Variants in SORCS3 observed in about 807,000 individuals in gnomAD.
The protein encoded by SORCS3 is VPS10 domain-containing receptor SorCS3.
SORCS3 carries 57 observed loss-of-function variants against 146.3 expected under a neutral mutation model. That is an observed-to-expected ratio of 0.39 (90% confidence interval 0.31 to 0.49). The LOEUF is 0.49. SORCS3 is among the 20% of genes least tolerant of loss of function. The pLI is 0.92. For missense variants in SORCS3, 1,341 were observed against 1,575.5 expected (o/e 0.85, Z 2.52); for synonymous variants, 653 against 618.5 (o/e 1.06, Z -0.83).
At chr10:105,072,029 C>T (rs2055559537) in intron 5 of SORCS3, among the ~76,000 whole-genome samples, 2 of 152,162 alleles carry the variant, frequency 1.3e-5, no homozygotes, top group African/African-American at 4.8e-5. Context: ...TTCATGAGCG[C>T]TACTTTGGGC....
chr10:104,903,923 ATTGTT>A (rs1243129143), intron 2 of SORCS3, among the ~76,000 whole-genome samples: 1 of 152,180 alleles, frequency 6.6e-6, no homozygotes, highest in Non-Finnish European at 1.5e-5. Flanking sequence ...TTGTCATGAA[ATTGTT>A]TTGTTTTGGA....
chr10:104,902,734 G>A (rs1444163227), intron 2 of SORCS3, among the ~76,000 whole-genome samples: 1 of 152,130 alleles, frequency 6.6e-6, no homozygotes. Flanking sequence ...GCTGATTCTT[G>A]CCCTGTGCTT....
chr10:105,040,139 C>G (rs2055330037), intron 4 of SORCS3, among the ~76,000 whole-genome samples: 3 of 152,196 alleles, frequency 2.0e-5, no homozygotes. Flanking sequence ...GGAGAGTGAT[C>G]CATTTTTTAA....
intron 1 of SORCS3, among the ~76,000 whole-genome samples, chr10:104,653,393 A>T (rs1372933277): frequency 6.6e-6 from 1 of 152,012 alleles, no homozygotes; most frequent in Non-Finnish European, 1.5e-5. Flanking sequence ...CCCTTCTGTC[A>T]TCTTGAGATT....
At chr10:105,147,567 C>G in intron 8 of SORCS3, 50 bp from the exon 9 acceptor site, 1 of 1,507,818 alleles carries the variant, frequency 6.6e-7, no homozygotes, top group Non-Finnish European at 9.0e-7. Flanking sequence ...TCCCAATGGG[C>G]AGAGAGATAT....
chr10:105,082,113 T>C (rs2055630058), intron 5 of SORCS3, among the ~76,000 whole-genome samples: 1 of 152,354 alleles, frequency 6.6e-6, no homozygotes, highest in South Asian at 2.1e-4. Flanking sequence ...TCAAGCATTG[T>C]GTCTAATAAG....
chr10:104,991,000 C>T (rs2054990513), intron 4 of SORCS3, among the ~76,000 whole-genome samples: 3 of 152,166 alleles, frequency 2.0e-5, no homozygotes, highest in Admixed American at 2.0e-4. Flanking sequence ...ACCAGCCCTT[C>T]CCTTGGCTTC....
intron 3 of SORCS3, among the ~76,000 whole-genome samples, chr10:104,916,557 C>G (rs2019030352): frequency 6.6e-6 from 1 of 152,128 alleles, no homozygotes; most frequent in Non-Finnish European, 1.5e-5. Context: ...AGACCTTGGC[C>G]ATGGAAATCT....
chr10:104,850,590 A>G (rs945477606), intron 2 of SORCS3, among the ~76,000 whole-genome samples: 1 of 152,116 alleles, frequency 6.6e-6, no homozygotes, highest in Non-Finnish European at 1.5e-5. Flanking sequence ...TCTCAAAAAG[A>G]AAATAAAAGC....
chr10:105,068,825 T>C (rs1028041730), intron 5 of SORCS3, among the ~76,000 whole-genome samples: 16 of 152,258 alleles, frequency 1.1e-4, no homozygotes, highest in African/African-American at 3.6e-4. Flanking sequence ...ATCAATGGAA[T>C]GACAACTAAT....
chr10:105,189,270 A>G (rs140709188), intron 14 of SORCS3, among the ~76,000 whole-genome samples: 1 of 152,306 alleles, frequency 6.6e-6, no homozygotes, highest in African/African-American at 2.4e-5. Flanking sequence ...AATGAGCAGC[A>G]TAGTTAAGCT....
chr10:104,832,836 G>A (rs2018016654), intron 1 of SORCS3, among the ~76,000 whole-genome samples: 3 of 152,236 alleles, frequency 2.0e-5, no homozygotes. Context: ...CCCAAGTTGT[G>A]GGGACATGAT....
intron 1 of SORCS3, among the ~76,000 whole-genome samples, chr10:104,842,350 C>T (rs1413017207): frequency 3.3e-5 from 5 of 152,228 alleles, no homozygotes; most frequent in Non-Finnish European, 7.3e-5. Flanking sequence ...CTTTTACAGA[C>T]AGAATCAGGA....
intron 1 of SORCS3, among the ~76,000 whole-genome samples, chr10:104,652,420 G>A (rs2015574339): frequency 6.6e-6 from 1 of 152,144 alleles, no homozygotes; most frequent in Admixed American, 6.5e-5. Flanking sequence ...CTCCCTTTAT[G>A]TCACAGTTAA....
chr10:105,142,280 A>C (rs1279878744), intron 8 of SORCS3, among the ~76,000 whole-genome samples: 1 of 152,196 alleles, frequency 6.6e-6, no homozygotes, highest in African/African-American at 2.4e-5. Context: ...TGCTCCTGGA[A>C]AAGAGCCAAG....
chr10:104,808,623 T>C (rs2017706904), intron 1 of SORCS3, among the ~76,000 whole-genome samples: 2 of 152,206 alleles, frequency 1.3e-5, no homozygotes, highest in African/African-American at 4.8e-5. Flanking sequence ...TTTGCAGTTG[T>C]TTCCATGTAA....
At chr10:104,893,069 T>A (rs1038974019) in intron 2 of SORCS3, among the ~76,000 whole-genome samples, 1 of 152,176 alleles carries the variant, frequency 6.6e-6, no homozygotes, top group Non-Finnish European at 1.5e-5. Context: ...TCATGGTCCC[T>A]GTTTGTTTCC....
At chr10:104,863,346 T>C (rs2018425740) in intron 2 of SORCS3, among the ~76,000 whole-genome samples, 1 of 152,202 alleles carries the variant, frequency 6.6e-6, no homozygotes, top group African/African-American at 2.4e-5. Context: ...TCCCTGCCTT[T>C]ACTGATGCCA....
intron 16 of SORCS3, among the ~76,000 whole-genome samples, 182 bp downstream of exon 16, chr10:105,201,435 G>A (rs1428602345): frequency 6.6e-6 from 1 of 152,178 alleles, no homozygotes; most frequent in Non-Finnish European, 1.5e-5. Context: ...TTCCTGGAAG[G>A]AGGACAGGCT....
Sources: gnomAD v4.1 joint callset for allele counts (sites outside exome capture counted in the v4.1 genomes callset) on GRCh38, gnomAD v4.1.1 for gene constraint, MANE v1.5 for transcripts, NCBI Gene and HGNC (gene_info 2026-07-23, HGNC 2026-07-21) for gene names.